Variants in FRYL observed in about 807,000 individuals in gnomAD.
FRYL encodes the protein FRY like transcription coactivator, also known as protein furry homolog-like.
In FRYL, 150 loss-of-function variants were observed where a neutral mutation model predicts 351.2. That is an observed-to-expected ratio of 0.43 (90% CI 0.37 to 0.49). FRYL has a LOEUF of 0.49. Among genes scored for constraint, FRYL ranks in the 20% least tolerant of loss-of-function variants. The pLI is 0.00. For missense variants in FRYL, 3,036 were observed against 3,619.3 expected, an observed-to-expected ratio of 0.84 and a Z score of 4.13; for synonymous variants, 1,153 against 1,257.1, an observed-to-expected ratio of 0.92 and a Z score of 1.75.
intron 59 of FRYL, chr4:48,506,624 A>AC (rs1262100027): frequency 4.3e-5 from 1 of 23,094 alleles, no homozygotes; most frequent in African/African-American, 1.2e-4. Context: ...TAATATATAT[A>AC]TATATATATA....
At chr4:48,596,079 TA>T in intron 13 of FRYL, 79 bp from the exon 14 acceptor site, 2 of 904,142 alleles carry the variant, frequency 2.2e-6, no homozygotes, top group South Asian at 1.6e-5. Flanking sequence ...TGTCAACAAC[TA>T]AAAGCCAATC....
Position 48,634,293 on chromosome 4 carries a change from A to G in FRYL, c.118T>C (p.Leu40=). 1.2e-6 allele frequency: 2 copies of G among 1,610,480 alleles called. No homozygotes were observed. Among genetic ancestry groups the G allele is most frequent in the Non-Finnish European group, 1.7e-6 (2 of 1,176,726 alleles). ...ATTTATAGGTCAGCTGTACTCACCA[A>G]GGGTTCGGCCATTACAACTTCAATT... is the stretch of plus-strand genomic sequence containing the variant. ...KKIEVVMAEP[L]EKLLSRSLQR... is the part of the protein sequence containing the mutation. Residue 40 remains leucine (L), a splice_region_variant and synonymous_variant, in exon 4 of 64, where the codon TTG becomes CTG. Transcript: ENST00000358350.
Position 48,522,451 on chromosome 4 carries a change from C to T in FRYL, c.7521+450G>A, listed in dbSNP as rs73814781. 1.6e-3 allele frequency among the ~76,000 whole-genome samples: 251 copies of T among 152,308 alleles called. 1 individual carries two copies. Among genetic ancestry groups the T allele is most frequent in the African/African-American group, 5.6e-3 (234 of 41,574 alleles). ...AGCCCTACCACTGGCTTTTCTTGCA[C>T]CCGTACTCTTCTGAAATAACAGGCT... On this transcript the variant is annotated intron_variant, in intron 54 of 63. Coordinates refer to ENST00000358350, the MANE Select transcript of FRYL (RefSeq NM_015030.2).
At position 48,623,092 on chromosome 4, in the gene FRYL, AG is replaced by A. The variant is rs1560735463; in HGVS notation, c.174+33del. The A allele has an allele frequency of 7.6e-6, 11 of 1,441,172 alleles. No individual in the cohort carries two copies. The South Asian group carries it at 1.0e-4, about 13-fold the overall frequency. The allele number at this position is 1,441,172 out of a possible 1,614,324, so 89.3% of individuals were successfully genotyped here. ...GACTATTAGGATGAACACTATTTCC[AG>A]GGGAAAAAAAAATTCTCCCAAAATT... On this transcript the variant is annotated intron_variant, in intron 5 of 63. Coordinates refer to ENST00000358350, the MANE Select transcript of FRYL (RefSeq NM_015030.2).
rs1718747636 is a variant in FRYL, at chr4:48,497,803, C to T, written c.*1619G>A. 1 of 152,536 alleles carries T rather than the reference C, an allele frequency of 6.6e-6. No individual in the cohort carries two copies. Among genetic ancestry groups the T allele is most frequent in the Admixed American group, 6.6e-5 (1 of 15,266 alleles). 9.4% of individuals were successfully genotyped at this position (152,536 alleles called of 1,614,324 possible). ...ACAGTGATTATGAATGAGCTGTGACCAGTTACGAAATTTTACTGGAAATGT... is the reference window on the plus strand; with the variant it reads ...ACAGTGATTATGAATGAGCTGTGACTAGTTACGAAATTTTACTGGAAATGT... On this transcript the variant is annotated 3_prime_UTR_variant, in exon 64 of 64. Transcript: ENST00000358350.
At chr4:48,685,008 T>A (rs1450562793) in intron 2 of FRYL, among the ~76,000 whole-genome samples, 1 of 152,214 alleles carries the variant, frequency 6.6e-6, no homozygotes, top group African/African-American at 2.4e-5. Context: ...AATAGTATCA[T>A]GAACCCCCCA....
Position 48,500,063 on chromosome 4 carries a change from A to G in FRYL, c.8750T>C (p.Phe2917Ser), listed in dbSNP as rs1170727354. 3 of 1,597,628 alleles carry G rather than the reference A, an allele frequency of 1.9e-6. No homozygotes were observed. The highest frequency in any genetic ancestry group is 2.6e-6 in the Non-Finnish European group (3 of 1,175,474). ...TTTGACTTGTGCTACAGCTGATATA[A>G]ATTCTTTATTTTTCAAAGTTTCAAT... ...SLIETLKNKE[F>S]ISAVAQVKAF... The change falls in exon 63 of 64, where the codon TTT becomes TCT. Residue 2917 changes from phenylalanine to serine, a missense_variant. This residue lies in a region of FRYL where 1,987 missense variants were observed against 2,311.7 expected (regional missense o/e 0.86). Transcript: ENST00000358350.
chr4:48,624,256 T>A (rs553614563), intron 4 of FRYL, among the ~76,000 whole-genome samples: 2 of 152,198 alleles, frequency 1.3e-5, no homozygotes, highest in East Asian at 3.9e-4. Context: ...TAACTTTCCA[T>A]CTGCTGATTT....
At chr4:48,541,031 A>ATCTTC in intron 45 of FRYL, 71 bp from the exon 46 acceptor site, 1 of 1,375,678 alleles carries the variant, frequency 7.3e-7, no homozygotes, top group Non-Finnish European at 9.7e-7. Context: ...TTACTTCTGA[A>ATCTTC]AACACTGAAA....
chr4:48,706,924 A>T (rs1767425894), intron 2 of FRYL, among the ~76,000 whole-genome samples: 1 of 152,106 alleles, frequency 6.6e-6, no homozygotes, highest in Non-Finnish European at 1.5e-5. Flanking sequence ...TGCCTCTTTT[A>T]CTTGAGTTGT....
intron 1 of FRYL, among the ~76,000 whole-genome samples, chr4:48,763,248 G>A (rs1038424113): frequency 6.6e-6 from 1 of 151,492 alleles, no homozygotes; most frequent in Non-Finnish European, 1.5e-5. Flanking sequence ...GATTGCTTGA[G>A]GCCAAGAGTT....
At chr4:48,588,932 TA>T (rs1578242207) in intron 18 of FRYL, among the ~76,000 whole-genome samples, 1 of 152,102 alleles carries the variant, frequency 6.6e-6, no homozygotes, top group African/African-American at 2.4e-5. Context: ...AAAAACTTAC[TA>T]AATGAGGGAA....
intron 3 of FRYL, among the ~76,000 whole-genome samples, chr4:48,648,858 CT>C (rs1364863504): frequency 5.9e-5 from 9 of 152,034 alleles, no homozygotes; most frequent in African/African-American, 2.2e-4. Flanking sequence ...TATGAGGTTT[CT>C]TTTTTAGATA....
intron 3 of FRYL, among the ~76,000 whole-genome samples, chr4:48,677,661 T>G (rs1267630382): frequency 6.6e-6 from 1 of 152,210 alleles, no homozygotes; most frequent in Non-Finnish European, 1.5e-5. Flanking sequence ...TCCGCCTGCC[T>G]TGGCCTCCCA....
intron 23 of FRYL, among the ~76,000 whole-genome samples, chr4:48,577,657 G>A (rs1739922264): frequency 6.6e-6 from 1 of 152,066 alleles, no homozygotes; most frequent in South Asian, 2.1e-4. Context: ...TGGTAATTAG[G>A]GAAGGCTACT....
chr4:48,746,905 T>G (rs1050516732), intron 1 of FRYL, among the ~76,000 whole-genome samples: 2 of 152,154 alleles, frequency 1.3e-5, no homozygotes, highest in African/African-American at 4.8e-5. Context: ...GACTGTAGCT[T>G]TGCAAGACAA....
rs115923635 is a variant in FRYL at position 48,767,735 on chromosome 4, T to A, written c.-384+12343A>T. ...ATAAGATGAGTAAGTTCTGAAAACC[T>A]AATGTACAGCATGCATTTTCTCATC... On this transcript the variant is annotated intron_variant, in intron 1 of 63. Transcript: ENST00000358350. Among the ~76,000 whole-genome samples the A allele has an allele frequency of 3.2e-3, 489 of 152,326 alleles. 6 individuals carry two copies. The highest frequency in any genetic ancestry group is 0.012 in the African/African-American group (479 of 41,568).
At chr4:48,561,751 A>C in intron 32 of FRYL, 115 bp from the exon 33 acceptor site, 1 of 732,826 alleles carries the variant, frequency 1.4e-6, no homozygotes, top group Middle Eastern at 4.1e-4. Context: ...GGAGTGGCTT[A>C]TGCCTGTAAT....
chr4:48,700,149 CAGA>C (rs1766582486), intron 2 of FRYL, among the ~76,000 whole-genome samples: 1 of 152,166 alleles, frequency 6.6e-6, no homozygotes, highest in African/African-American at 2.4e-5. Context: ...TATACTGTCT[CAGA>C]AGGAGATTGT....
Sources: allele counts gnomAD v4.1 joint callset (sites outside exome capture counted in the v4.1 genomes callset), GRCh38; gene constraint gnomAD v4.1.1; regional missense constraint gnomAD v4.1.1; transcripts MANE v1.5; gene names NCBI Gene and HGNC (gene_info 2026-07-23, HGNC 2026-07-21).